The following CNTNAP5 variants were observed in gnomAD, a reference collection of about 807,000 sequenced individuals.
CNTNAP5 encodes contactin-associated protein-like 5.
In CNTNAP5, 72 loss-of-function variants were observed where a neutral mutation model predicts 150.2. That is an observed-to-expected ratio of 0.48 (90% CI 0.40 to 0.58). The LOEUF (loss-of-function observed/expected upper bound fraction) is 0.58, where lower values mean the gene tolerates loss of function less well. Among genes scored for constraint, CNTNAP5 ranks in the 20% least tolerant of loss-of-function variants. The pLI, the probability that CNTNAP5 is intolerant of heterozygous loss-of-function variation, is 0.00. For synonymous variants in CNTNAP5, 672 were observed against 619.8 expected (o/e 1.08, Z -1.25); for missense variants, 1,636 against 1,626.2 (o/e 1.01, Z -0.10).
At chr2:124,170,768 A>G (rs1188150916) in intron 1 of CNTNAP5, among the ~76,000 whole-genome samples, 5 of 152,108 alleles carry the variant, frequency 3.3e-5, no homozygotes, top group Non-Finnish European at 7.3e-5. Context: ...TGGTGAAAAG[A>G]GAACAGGAAT....
intron 19 of CNTNAP5, among the ~76,000 whole-genome samples, chr2:124,843,966 T>C (rs561981537): frequency 1.3e-5 from 2 of 152,168 alleles, no homozygotes; most frequent in Non-Finnish European, 2.9e-5. Flanking sequence ...TTCTGTTAAC[T>C]CTGCTGATTA....
chr2:124,596,007 T>C (rs1160468298), intron 11 of CNTNAP5, among the ~76,000 whole-genome samples: 3 of 97,738 alleles, frequency 3.1e-5, no homozygotes, highest in East Asian at 4.0e-4. Flanking sequence ...TTTTTTATTG[T>C]GTCTATTTGA....
chr2:124,756,766 G>A (rs1680848452), intron 14 of CNTNAP5, among the ~76,000 whole-genome samples: 1 of 152,096 alleles, frequency 6.6e-6, no homozygotes, highest in Non-Finnish European at 1.5e-5. Flanking sequence ...GGGCCTGTAG[G>A]AGGGTTGGGA....
intron 1 of CNTNAP5, among the ~76,000 whole-genome samples, chr2:124,203,523 C>T (rs72838248): frequency 0.011 from 1,679 of 152,290 alleles, 25 homozygotes; most frequent in Non-Finnish European, 0.014. Context: ...TTCCTCACTT[C>T]CCTAGCAGAA....
intron 3 of CNTNAP5, among the ~76,000 whole-genome samples, chr2:124,400,784 A>T (rs1254833426): frequency 6.7e-6 from 1 of 149,876 alleles, no homozygotes; most frequent in Non-Finnish European, 1.5e-5. Flanking sequence ...GCTGCCATAC[A>T]TGTTGGTGTT....
At chr2:124,541,762 G>A (rs1288154439) in intron 10 of CNTNAP5, among the ~76,000 whole-genome samples, 1 of 152,008 alleles carries the variant, frequency 6.6e-6, no homozygotes, top group Non-Finnish European at 1.5e-5. Flanking sequence ...TAAATAGCTG[G>A]GCAAATCCTC....
Position 124,706,943 on chromosome 2 carries a change from G to GAAGAAGA in CNTNAP5, c.2078-40285_2078-40284insAGAAGAA, listed in dbSNP as rs1558743370. ...GAAGAAGAAGAAGAAGAAGAAGAAGGAGGAGGAGGAGGAGGAGGAGGAGAA... is the reference window on the plus strand; with the variant it reads ...GAAGAAGAAGAAGAAGAAGAAGAAGGAAGAAGAAGGAGGAGGAGGAGGAGGAGGAGAA... On this transcript the variant is annotated intron_variant, in intron 13 of 23. Coordinates refer to ENST00000682447, the MANE Select transcript of CNTNAP5 (RefSeq NM_001367498.1). Among the ~76,000 whole-genome samples, 40 of 75,218 alleles carry GAAGAAGA rather than the reference G, an allele frequency of 5.3e-4. 1 individual carries two copies. The highest frequency in any genetic ancestry group is 1.9e-3 in the African/African-American group (38 of 19,688). The allele number at this position is 75,218 out of a possible 152,430, so 49.3% of individuals were successfully genotyped here. A position where few individuals can be genotyped will look rare whatever the true frequency, so the allele number is the denominator to read the frequency against.
intron 3 of CNTNAP5, among the ~76,000 whole-genome samples, chr2:124,311,020 G>A (rs1225153030): frequency 6.6e-6 from 1 of 152,178 alleles, no homozygotes; most frequent in Non-Finnish European, 1.5e-5. Context: ...ATTCCTGGTA[G>A]TGAGAGAAGC....
At chr2:124,281,397 G>A (rs185954201) in intron 3 of CNTNAP5, among the ~76,000 whole-genome samples, 13 of 152,182 alleles carry the variant, frequency 8.5e-5, no homozygotes, top group Admixed American at 2.0e-4. Flanking sequence ...AGAAAGTGAT[G>A]GCACTCGGAG....
At chr2:124,909,858 T>TATATATATAC (rs56823375) in intron 22 of CNTNAP5, among the ~76,000 whole-genome samples, 2 of 143,498 alleles carry the variant, frequency 1.4e-5, no homozygotes, top group Admixed American at 1.4e-4. Flanking sequence ...TATATATATA[T>TATATATATAC]GTTCTTCTCC....
chr2:124,227,640 A>G (rs73952926), intron 2 of CNTNAP5, among the ~76,000 whole-genome samples: 27,539 of 143,394 alleles, frequency 0.19, 2,853 homozygotes, highest in East Asian at 0.25. Flanking sequence ...CATCGTGTGT[A>G]TGTGTGTGTG....
intron 1 of CNTNAP5, among the ~76,000 whole-genome samples, chr2:124,198,187 C>CT (rs35296195): frequency 0.31 from 46,591 of 150,818 alleles, 7,326 homozygotes; most frequent in South Asian, 0.47. Flanking sequence ...ATTTGAGTTT[C>CT]TTTTTTTTAA....
intron 3 of CNTNAP5, among the ~76,000 whole-genome samples, chr2:124,287,702 G>A (rs1466400598): frequency 6.6e-6 from 1 of 152,092 alleles, no homozygotes; most frequent in Non-Finnish European, 1.5e-5. Flanking sequence ...TCTCATCTAA[G>A]AGCCTAGAGA....
intron 4 of CNTNAP5, among the ~76,000 whole-genome samples, chr2:124,433,711 C>A (rs1173949486): frequency 6.6e-6 from 1 of 151,640 alleles, no homozygotes; most frequent in South Asian, 2.1e-4. Flanking sequence ...GAAAAAAAAA[C>A]CCGCAAAAAT....
intron 17 of CNTNAP5, among the ~76,000 whole-genome samples, chr2:124,788,415 T>C (rs1681643856): frequency 6.6e-6 from 1 of 152,216 alleles, no homozygotes. Flanking sequence ...GAAATCTGTC[T>C]TCTAAATCAT....
chr2:124,580,947 T>C (rs552064991), intron 11 of CNTNAP5, among the ~76,000 whole-genome samples: 2 of 152,270 alleles, frequency 1.3e-5, no homozygotes, highest in African/African-American at 4.8e-5. Flanking sequence ...TGCAGGTATT[T>C]GCATAATGTG....
At chr2:124,028,228 A>G (rs1680950734) in intron 1 of CNTNAP5, among the ~76,000 whole-genome samples, 1 of 152,100 alleles carries the variant, frequency 6.6e-6, no homozygotes, top group Non-Finnish European at 1.5e-5. Context: ...TTGTTCAGGT[A>G]TACATAACTT....
At chr2:124,333,393 G>A (rs938624901) in intron 3 of CNTNAP5, among the ~76,000 whole-genome samples, 2 of 152,162 alleles carry the variant, frequency 1.3e-5, no homozygotes, top group East Asian at 1.9e-4. Context: ...CATGGACAAA[G>A]CCCTTATTGA....
intron 12 of CNTNAP5, among the ~76,000 whole-genome samples, chr2:124,616,819 T>C (rs2104991632): frequency 6.6e-6 from 1 of 152,180 alleles, no homozygotes; most frequent in Middle Eastern, 3.4e-3. Context: ...TAGGGAGGCC[T>C]AAGGAGAAGG....
Sources: allele counts gnomAD v4.1 joint callset (sites outside exome capture counted in the v4.1 genomes callset), GRCh38; gene constraint gnomAD v4.1.1; transcripts MANE v1.5; gene names NCBI Gene and HGNC (gene_info 2026-07-23, HGNC 2026-07-21).